AKAP9: variants seen among roughly 807,000 people sequenced by gnomAD.
AKAP9 encodes A-kinase anchor protein 9.
Under a neutral mutation model 488.5 loss-of-function variants are expected in AKAP9, and 311 were observed. The observed-to-expected ratio is 0.64, with a 90% CI of 0.58 to 0.70. AKAP9 has a LOEUF of 0.70. AKAP9 is among the 30% of genes least tolerant of loss of function. The pLI, the probability that AKAP9 is intolerant of heterozygous loss-of-function variation, is 0.00. For missense variants in AKAP9, 4,215 were observed against 4,374.5 expected (o/e 0.96, Z 1.03); for synonymous variants, 1,462 against 1,483.5 (o/e 0.99, Z 0.33).
chr7:92,056,002 C>T (rs1808728540), intron 22 of AKAP9, among the ~76,000 whole-genome samples: 1 of 151,796 alleles, frequency 6.6e-6, no homozygotes, highest in Admixed American at 6.6e-5. Flanking sequence ...TTACATGCTT[C>T]CAAAAATGGG....
chr7:92,084,664 C>G lies in AKAP9; in HGVS notation c.8671C>G (p.His2891Asp). ...KEGSSIPELA[H>D]SDAYQTREIC... ...GGGATCCTCAATTCCTGAGCTAGCA[C>G]ATTCTGATGCTTACCAGACTAGAGA... Residue 2891 changes from histidine to aspartate, a missense_variant, in exon 34 of 50, where the codon CAT (histidine) becomes GAT (aspartate). Physicochemically the swap from His to Asp is moderately conservative, Grantham distance 81. This residue lies in a region of AKAP9 where 1,476 missense variants were observed against 1,477.4 expected (regional missense o/e 1.00). Coordinates refer to ENST00000356239, the MANE Select transcript of AKAP9 (RefSeq NM_005751.5). 1 of 1,610,550 alleles carries G rather than the reference C, an allele frequency of 6.2e-7. No homozygotes were observed. The highest frequency in any genetic ancestry group is 8.5e-7 in the Non-Finnish European group (1 of 1,177,134).
chr7:92,036,956 T>G (rs1021866130), intron 16 of AKAP9, among the ~76,000 whole-genome samples: 1 of 152,172 alleles, frequency 6.6e-6, no homozygotes, highest in Non-Finnish European at 1.5e-5. Context: ...ATTTGGTAGG[T>G]GAGATATGGT....
At chr7:92,101,192 T>C (rs1817460711) in intron 45 of AKAP9, 136 bp downstream of exon 45, 8 of 798,302 alleles carry the variant, frequency 1.0e-5, no homozygotes, top group Non-Finnish European at 1.5e-5. Flanking sequence ...GTCCCAGCAC[T>C]TTGGGAGGCC....
chr7:92,086,569 G>C (rs192887488), intron 37 of AKAP9, among the ~76,000 whole-genome samples, 153 bp downstream of exon 37: 1 of 152,174 alleles, frequency 6.6e-6, no homozygotes, highest in East Asian at 1.9e-4. Context: ...AACGTATTAT[G>C]TTAGAAGGTA....
intron 3 of AKAP9, among the ~76,000 whole-genome samples, chr7:91,984,091 C>T (rs1796769348): frequency 6.6e-6 from 1 of 152,142 alleles, no homozygotes; most frequent in African/African-American, 2.4e-5. Context: ...TGCCTTTTCA[C>T]TCTGATGGTA....
intron 16 of AKAP9, among the ~76,000 whole-genome samples, chr7:92,037,529 T>G (rs1805392195): frequency 6.6e-6 from 1 of 152,226 alleles, no homozygotes; most frequent in African/African-American, 2.4e-5. Flanking sequence ...GAAAAAGGAC[T>G]TAAAGTTATT....
chr7:92,107,849 T>A (rs377251586), intron 48 of AKAP9: 8 of 168,688 alleles, frequency 4.7e-5, no homozygotes, highest in Middle Eastern at 2.9e-3. Context: ...AGACTCTGTC[T>A]CAAAAAAAAA....
chr7:92,042,743 G>A lies in AKAP9; in HGVS notation c.5134G>A (p.Val1712Met), dbSNP rs1584285334. The change falls in exon 20 of 50, where the codon GTG becomes ATG. Residue 1712 changes from valine to methionine, a missense_variant. Around this residue, in one of 5 missense-constraint regions of AKAP9, gnomAD observed 2,361 missense variants for 2,430.0 expected, o/e 0.97. Coordinates refer to ENST00000356239, the MANE Select transcript of AKAP9 (RefSeq NM_005751.5). ...GGAATTAGACAGAAAACCTGAAGAT[G>A]TGCCTCCTGAGATTTTGTCTAATGA... The part of the protein sequence containing the change: ...EKELDRKPED[V>M]PPEILSNERY... 1.2e-6 allele frequency: 2 copies of A among 1,611,338 alleles called. No individual in the cohort carries two copies. The highest frequency in any genetic ancestry group is 1.3e-5 in the African/African-American group (1 of 74,868).
chr7:92,007,667 A>G (rs1800100264), intron 8 of AKAP9, among the ~76,000 whole-genome samples: 1 of 152,242 alleles, frequency 6.6e-6, no homozygotes, highest in South Asian at 2.1e-4. Context: ...ATGTAGTTCC[A>G]TTCCAACTCA....
chr7:92,060,856 GTAAATAC>G (rs1199531100), intron 22 of AKAP9, among the ~76,000 whole-genome samples: 1 of 151,566 alleles, frequency 6.6e-6, no homozygotes, highest in African/African-American at 2.4e-5. Context: ...GTCACAATCC[GTAAATAC>G]TAAATGTAGA....
Position 92,042,777 on chromosome 7 carries a change from C to A in AKAP9, c.5162+6C>A. ...GAGATTTTGTCTAATGAAAGGTATA[C>A]AAAATGTGTACTTTTTCAGTGCAAA... On this transcript the variant is annotated splice_donor_region_variant and intron_variant, in intron 20 of 49. Coordinates refer to ENST00000356239, the MANE Select transcript of AKAP9 (RefSeq NM_005751.5). 1 of 1,574,672 alleles carries A rather than the reference C, an allele frequency of 6.4e-7. No homozygotes were observed. The highest frequency in any genetic ancestry group is 8.7e-7 in the Non-Finnish European group (1 of 1,145,276).
chr7:91,994,920 A>G (rs1798202391), intron 6 of AKAP9, 144 bp downstream of exon 6: 1 of 692,162 alleles, frequency 1.4e-6, no homozygotes, highest in Non-Finnish European at 2.4e-6. Context: ...GTGTTGCTAT[A>G]TTAACCAGGA....
At chr7:92,054,095 GT>G (rs1808394467) in intron 22 of AKAP9, among the ~76,000 whole-genome samples, 1 of 152,040 alleles carries the variant, frequency 6.6e-6, no homozygotes, top group Non-Finnish European at 1.5e-5. Context: ...GGGAGTAGGC[GT>G]TTTTAAAAAC....
chr7:91,977,534 C>T (rs182860156), intron 2 of AKAP9, among the ~76,000 whole-genome samples: 55 of 152,222 alleles, frequency 3.6e-4, no homozygotes, highest in Admixed American at 3.4e-3. Flanking sequence ...CCAGCCTGGG[C>T]GACAGAGCGA....
chr7:92,082,748 A>G (rs1563110819), intron 32 of AKAP9, 86 bp downstream of exon 32: 10 of 1,429,862 alleles, frequency 7.0e-6, no homozygotes, highest in Non-Finnish European at 8.8e-6. Flanking sequence ...ATAACAAATG[A>G]GCTCCATAAC....
Position 92,066,484 on chromosome 7 carries a change from C to T in AKAP9, c.6268C>T (p.Leu2090=). The part of the protein sequence containing the change: ...RDVFQQEIQK[L]EQQLKVVPRF... ...TGTATTCCAACAGGAAATACAGAAA[C>T]TAGAACAGCAACTTAAGGTTGTTCC... Residue 2090 remains leucine (L), a synonymous_variant, in exon 26 of 50, where the codon CTA becomes TTA. Transcript: ENST00000356239. 17 of 1,613,470 alleles carry T rather than the reference C, an allele frequency of 1.1e-5. No homozygotes were observed. The highest frequency in any genetic ancestry group is 1.4e-5 in the Non-Finnish European group (17 of 1,179,630).
At chr7:92,094,264 A>G (rs1345568292) in intron 39 of AKAP9, among the ~76,000 whole-genome samples, 3 of 152,100 alleles carry the variant, frequency 2.0e-5, no homozygotes, top group African/African-American at 2.4e-5. Flanking sequence ...AGGTGTGGTG[A>G]CTAATGCCTG....
At chr7:92,077,111 T>TTTTTTTTC in intron 29 of AKAP9, 104 bp downstream of exon 29, 1 of 457,788 alleles carries the variant, frequency 2.2e-6, no homozygotes, top group African/African-American at 2.1e-5. Context: ...TTTTTTTTTT[T>TTTTTTTTC]TTGAGACTTA....
chr7:91,973,909 A>G lies in AKAP9; in HGVS notation c.247A>G (p.Ile83Val), dbSNP rs1795368472. Residue 83 changes from isoleucine to valine, a missense_variant, in exon 2 of 50, where the codon ATA becomes GTA. Ile to Val is a conservative substitution (Grantham distance 29, BLOSUM62 3). Around this residue, in one of 5 missense-constraint regions of AKAP9, gnomAD observed 2,361 missense variants for 2,430.0 expected, o/e 0.97. Coordinates refer to ENST00000356239, the MANE Select transcript of AKAP9 (RefSeq NM_005751.5). ...VESTVIPEST[I>V]MRTLHSGEIT... ...ATCAACTGTGATTCCTGAATCTACA[A>G]TAATGAGAACTCTACATAGTGGAGA... 6.2e-7 allele frequency: 1 copy of G among 1,614,008 alleles called. No individual in the cohort carries two copies.
Sources: gnomAD v4.1 joint callset for allele counts (sites outside exome capture counted in the v4.1 genomes callset) on GRCh38, gnomAD v4.1.1 for gene constraint, gnomAD v4.1.1 regional missense constraint, MANE v1.5 for transcripts, NCBI Gene and HGNC (gene_info 2026-07-23, HGNC 2026-07-21) for gene names.